PTGR1: variants seen among roughly 807,000 people sequenced by gnomAD.
PTGR1 encodes 15-oxoprostaglandin 13-reductase.
In PTGR1, 23 loss-of-function variants were observed where a neutral mutation model predicts 37.7. The ratio of observed to expected loss-of-function variants is 0.61; its 90% CI spans 0.44 to 0.86. The LOEUF (loss-of-function observed/expected upper bound fraction) is 0.86. Ranked by LOEUF, PTGR1 falls within the 40% of genes least tolerant of loss-of-function variation. PTGR1 has a pLI of 0.00. For synonymous variants in PTGR1, 134 were observed against 140.0 expected (o/e 0.96, Z 0.30); for missense variants, 351 against 394.3 (o/e 0.89, Z 0.93).
intron 5 of PTGR1, among the ~76,000 whole-genome samples, chr9:111,584,201 C>T (rs1360575186): frequency 6.6e-6 from 1 of 152,192 alleles, no homozygotes; most frequent in African/African-American, 2.4e-5. Context: ...GAAGACACCA[C>T]CGCATCTCAT....
intron 4 of PTGR1, among the ~76,000 whole-genome samples, chr9:111,591,425 G>A (rs1829619070): frequency 6.9e-6 from 1 of 145,832 alleles, no homozygotes. Flanking sequence ...AGGCTGGAGG[G>A]CAGTGGTGCA....
At chr9:111,573,197 G>A (rs750444092) in intron 8 of PTGR1, among the ~76,000 whole-genome samples, 4 of 152,188 alleles carry the variant, frequency 2.6e-5, no homozygotes, top group East Asian at 1.9e-4. Context: ...CTGTGGTTAA[G>A]AAAAGGCCTC....
chr9:111,557,315 A>C (rs1828152646), intron 9 of PTGR1, among the ~76,000 whole-genome samples: 1 of 151,872 alleles, frequency 6.6e-6, no homozygotes, highest in African/African-American at 2.4e-5. Context: ...CAGAGGTTGC[A>C]GTGAGCCGAG....
At chr9:111,566,993 G>A (rs1013761760) in intron 9 of PTGR1, among the ~76,000 whole-genome samples, 5 of 151,852 alleles carry the variant, frequency 3.3e-5, no homozygotes, top group Admixed American at 1.3e-4. Context: ...GGAGGTTGAG[G>A]TGGGAGAATC....
chr9:111,557,061 A>G (rs1460736702), intron 9 of PTGR1, among the ~76,000 whole-genome samples: 1 of 152,192 alleles, frequency 6.6e-6, no homozygotes, highest in Admixed American at 6.5e-5. Flanking sequence ...GATCTCTGAA[A>G]TGCCCTGGAA....
At chr9:111,571,114 A>G (rs538528520) in intron 8 of PTGR1, among the ~76,000 whole-genome samples, 1 of 150,386 alleles carries the variant, frequency 6.6e-6, no homozygotes, top group Non-Finnish European at 1.5e-5. Flanking sequence ...CTCTAGACCT[A>G]CAAGAATAAG....
exon 10 of PTGR1, chr9:111,549,784 C>T: frequency 1.3e-6 from 2 of 1,545,720 alleles, no homozygotes; most frequent in Non-Finnish European, 1.8e-6. Flanking sequence ...CAATCTTCTT[C>T]ATTTTCTCTT....
At position 111,588,017 on chromosome 9, in the gene PTGR1, C is replaced by CTTTCT. The variant is rs759731089; in HGVS notation, c.210-1853_210-1852insAGAAA. On this transcript the variant is annotated intron_variant, in intron 4 of 9. Coordinates refer to ENST00000407693, the MANE Select transcript of PTGR1 (RefSeq NM_001146108.2). ...TTCATAAACGTGATTATTATTTTTTCTTTTTTTTTTTTTTGAGACACAGTC... is the reference window on the plus strand; with the variant it reads ...TTCATAAACGTGATTATTATTTTTTCTTTCTTTTTTTTTTTTTTTGAGACACAGTC... Among the ~76,000 whole-genome samples, 850 of 140,246 alleles carry CTTTCT rather than the reference C, an allele frequency of 6.1e-3. 6 individuals are homozygous for CTTTCT. Among genetic ancestry groups the CTTTCT allele is most frequent in the Middle Eastern group, 0.022 (6 of 270 alleles). The allele number at this position is 140,246 out of a possible 152,430, so 92.0% of individuals were successfully genotyped here.
Position 111,599,645 on chromosome 9 carries a change from T to C in PTGR1, c.-53A>G, listed in dbSNP as rs1829884058. On this transcript the variant is annotated 5_prime_UTR_variant, in exon 1 of 10. Transcript: ENST00000407693. Reference sequence around the variant, plus strand: ...ACTGCCTGGGGAAGGCGGCTGGGACTGCGCAGCCGGGCGCCCGGGGTCCGA... The same window carrying C: ...ACTGCCTGGGGAAGGCGGCTGGGACCGCGCAGCCGGGCGCCCGGGGTCCGA... The C allele has an allele frequency of 6.6e-6, 1 of 152,412 alleles. No homozygotes were observed. The highest frequency in any genetic ancestry group is 1.5e-5 in the Non-Finnish European group (1 of 68,284). 9.4% of individuals were successfully genotyped at this position (152,412 alleles called of 1,614,324 possible).
chr9:111,585,158 C>A (rs1829394023), intron 5 of PTGR1, among the ~76,000 whole-genome samples: 1 of 152,124 alleles, frequency 6.6e-6, no homozygotes, highest in South Asian at 2.1e-4. Flanking sequence ...GTGAGAGGCA[C>A]AGGCAGCATT....
chr9:111,554,295 C>G (rs1401089357), intron 9 of PTGR1, among the ~76,000 whole-genome samples: 2 of 150,564 alleles, frequency 1.3e-5, no homozygotes, highest in Non-Finnish European at 3.0e-5. Flanking sequence ...AGAAAGTCAA[C>G]CTCTGTCTTA....
intron 4 of PTGR1, among the ~76,000 whole-genome samples, chr9:111,587,004 A>G (rs1424233145): frequency 2.0e-5 from 3 of 151,998 alleles, no homozygotes; most frequent in Non-Finnish European, 4.4e-5. Context: ...TAGTAGGGAC[A>G]GGGTTTCACC....
intron 8 of PTGR1, among the ~76,000 whole-genome samples, chr9:111,572,406 C>G (rs1828857894): frequency 6.6e-6 from 1 of 151,982 alleles, no homozygotes; most frequent in Non-Finnish European, 1.5e-5. Context: ...CATCCTAACA[C>G]AGTGAAACCC....
intron 8 of PTGR1, 149 bp downstream of exon 8, chr9:111,574,583 TCA>T: frequency 1.9e-6 from 1 of 520,140 alleles, no homozygotes; most frequent in Non-Finnish European, 3.3e-6. Flanking sequence ...TCCTGAGCAC[TCA>T]CAAAGTGAGA....
chr9:111,594,508 A>T (rs1209560196), intron 2 of PTGR1, among the ~76,000 whole-genome samples: 1 of 152,110 alleles, frequency 6.6e-6, no homozygotes, highest in South Asian at 2.1e-4. Flanking sequence ...TGTTGAAGAA[A>T]AAAACGGAAC....
Position 111,597,496 on chromosome 9 carries a change from C to T in PTGR1, c.-10-64G>A, listed in dbSNP as rs1829818065. On this transcript the variant is annotated intron_variant, in intron 1 of 9. Coordinates refer to ENST00000407693, the MANE Select transcript of PTGR1 (RefSeq NM_001146108.2). ...GACTGCATTCTAACAGTTCTCTAGC[C>T]GTCAAACTGAGACCAGACAGCACAA... 5 of 1,003,722 alleles carry T rather than the reference C, an allele frequency of 5.0e-6. No individual in the cohort carries two copies. In the South Asian group the frequency reaches 5.6e-5, roughly 11 times the overall value. The allele number at this position is 1,003,722 out of a possible 1,614,324, so 62.2% of individuals were successfully genotyped here.
chr9:111,569,988 G>A lies in PTGR1; in HGVS notation c.879+103C>T, dbSNP rs12553163. On this transcript the variant is annotated intron_variant, in intron 9 of 9. Transcript: ENST00000407693. ...AATGACCCAATAGGGAAAAACTGAC[G>A]ATGCGGCAGAGATGGGGAAGAATTG... 3.8e-3 allele frequency: 5,884 copies of A among 1,550,022 alleles called. 354 individuals are homozygous for A. The Admixed American group carries it at 0.1, about 28-fold the overall frequency.
At chr9:111,560,947 ATATAT>A, downstream of PTGR1, among the ~76,000 whole-genome samples, 1 of 11,616 alleles carries the variant, frequency 8.6e-5, no homozygotes, top group South Asian at 4.3e-3. Context: ...CATCTAAAAT[ATATAT>A]ATATATATAT....
chr9:111,563,172 A>G lies in PTGR1; in HGVS notation c.939T>C (p.Phe313=), dbSNP rs1828386365. ...IEGFENMPAA[F]MGMLKGDNLG... ...AATTATCTCCTTTCAGCATTCCCAT[A>G]AATGCAGCTGGCATGTTTTCAAATC... Residue 313 remains phenylalanine (F), a synonymous_variant, in exon 10 of 10, where the codon TTT becomes TTC. Coordinates refer to ENST00000407693, the MANE Select transcript of PTGR1 (RefSeq NM_001146108.2). 6.2e-7 allele frequency: 1 copy of G among 1,613,966 alleles called. No homozygotes were observed. Among genetic ancestry groups the G allele is most frequent in the Non-Finnish European group, 8.5e-7 (1 of 1,179,906 alleles).
Sources: gnomAD v4.1 joint callset for allele counts (sites outside exome capture counted in the v4.1 genomes callset) on GRCh38, gnomAD v4.1.1 for gene constraint, MANE v1.5 for transcripts, NCBI Gene and HGNC (gene_info 2026-07-23, HGNC 2026-07-21) for gene names.